The following PUS1 variants were observed in gnomAD, a reference collection of about 807,000 sequenced individuals.
PUS1 encodes pseudouridine synthase 1, also known as pseudouridylate synthase 1 homolog.
Under a neutral mutation model 38.5 loss-of-function variants are expected in PUS1, and 25 were observed. The ratio of observed to expected loss-of-function variants is 0.65; its 90% confidence interval spans 0.47 to 0.91. PUS1 has a LOEUF of 0.91. Ranked by LOEUF, PUS1 falls within the 40% of genes least tolerant of loss-of-function variation. The pLI, the probability that PUS1 is intolerant of heterozygous loss-of-function variation, is 0.00. For synonymous variants in PUS1, 282 were observed against 260.4 expected (o/e 1.08, Z -0.80); for missense variants, 597 against 612.3 (o/e 0.97, Z 0.26).
intron 5 of PUS1, among the ~76,000 whole-genome samples, chr12:131,942,597 G>A (rs1157362534): frequency 2.6e-5 from 4 of 152,180 alleles, no homozygotes; most frequent in East Asian, 1.9e-4. Context: ...TAGTAGAGAT[G>A]GGGTTTCACC....
Position 131,942,985 on chromosome 12 carries a change from C to T in PUS1, c.1237-554C>T, listed in dbSNP as rs547916792. Among the ~76,000 whole-genome samples, 401 of 152,340 alleles carry T rather than the reference C, an allele frequency of 2.6e-3. 2 individuals carry two copies. The highest frequency in any genetic ancestry group is 8.9e-3 in the African/African-American group (372 of 41,582). ...CCAGCGGTGGCCAGGAGCCTCGTTT[C>T]ATCTGAAGGGGGTACTCGTGGCTCA... On this transcript the variant is annotated intron_variant, in intron 5 of 5. Coordinates refer to ENST00000376649, the MANE Select transcript of PUS1 (RefSeq NM_025215.6).
chr12:131,930,452 GTGTACTGACGCTC>G (rs1032963157), intron 2 of PUS1, among the ~76,000 whole-genome samples: 1 of 152,208 alleles, frequency 6.6e-6, no homozygotes, highest in African/African-American at 2.4e-5. Context: ...GATGAGCTAG[GTGTACTGACGCTC>G]GGTGCTGAGA....
At chr12:131,942,935 C>T (rs1490894057) in intron 5 of PUS1, among the ~76,000 whole-genome samples, 1 of 152,218 alleles carries the variant, frequency 6.6e-6, no homozygotes, top group African/African-American at 2.4e-5. Flanking sequence ...GGCCCCCAGC[C>T]CAGGGACGGC....
chr12:131,939,144 T>C (rs1256070976), intron 3 of PUS1, 29 bp from the exon 4 acceptor site: 6 of 1,490,260 alleles, frequency 4.0e-6, no homozygotes, highest in South Asian at 2.4e-5. Flanking sequence ...GGGACCCACC[T>C]TCCGTCACCC....
chr12:131,932,614 T>C, intron 3 of PUS1: 1 of 511,762 alleles, frequency 2.0e-6, no homozygotes, highest in Non-Finnish European at 3.6e-6. Context: ...CAATGTCTGC[T>C]TTCGACCCTC....
intron 3 of PUS1, among the ~76,000 whole-genome samples, chr12:131,938,067 AT>A (rs1446357312): frequency 6.6e-6 from 1 of 151,772 alleles, no homozygotes; most frequent in Non-Finnish European, 1.5e-5. Flanking sequence ...CATGCCTTTT[AT>A]TTTTGTTAAC....
intron 5 of PUS1, among the ~76,000 whole-genome samples, chr12:131,942,555 C>T (rs7980377): frequency 0.99 from 149,646 of 151,594 alleles, 73,866 homozygotes; most frequent in Non-Finnish European, 1. Context: ...TACAGGCGCC[C>T]ACCACCACGC....
In PUS1 at chr12:131,941,594, A is replaced by C. The variant is rs763493644; in HGVS notation, c.847A>C (p.Arg283=). Residue 283 remains arginine (R), a synonymous_variant, in exon 5 of 6, where the codon AGG becomes CGG. Coordinates refer to ENST00000376649, the MANE Select transcript of PUS1 (RefSeq NM_025215.6). The surrounding 1 kb of genome is among the most constrained non-coding windows in gnomAD (Gnocchi z 4.4). ...GGAGGGCCTGGAGTTTGCGGTGATC[A>C]GGGTGAAGGGCCAGAGCTTCATGAT... The part of the protein sequence containing the change: ...VREGLEFAVI[R]VKGQSFMMHQ... 7.4e-6 allele frequency: 12 copies of C among 1,614,074 alleles called. No homozygotes were observed. In the African/African-American group the frequency reaches 1.1e-4, roughly 14 times the overall value.
intron 3 of PUS1, among the ~76,000 whole-genome samples, chr12:131,936,296 GC>G (rs1890829204): frequency 6.6e-6 from 1 of 151,872 alleles, no homozygotes; most frequent in South Asian, 2.1e-4. Context: ...GGGCGCGGGG[GC>G]TTAGCCTGGA....
In PUS1 at chr12:131,929,813, C is replaced by T; in HGVS notation, c.74+17C>T. 6.4e-7 allele frequency: 1 copy of T among 1,567,164 alleles called. No homozygotes were observed. Among genetic ancestry groups the T allele is most frequent in the African/African-American group, 1.4e-5 (1 of 72,968 alleles). ...TCCGTCCTGGTAATGACCGCGACGC[C>T]GGGCGACCCCGCTATGCCCGCCCAG... On this transcript the variant is annotated intron_variant, in intron 1 of 5. Coordinates refer to ENST00000376649, the MANE Select transcript of PUS1 (RefSeq NM_025215.6).
intron 3 of PUS1, among the ~76,000 whole-genome samples, chr12:131,935,840 T>C (rs1890802412): frequency 6.6e-6 from 1 of 152,116 alleles, no homozygotes; most frequent in Non-Finnish European, 1.5e-5. Context: ...GCCTATTGTT[T>C]ATTTTTGTGT....
chr12:131,932,474 C>T (rs1291225687), intron 3 of PUS1, 162 bp downstream of exon 3: 16 of 780,180 alleles, frequency 2.1e-5, no homozygotes, highest in South Asian at 4.6e-5. Context: ...GGAGCCTGGT[C>T]GGCTCAGGTA....
chr12:131,930,673 A>G (rs1890562396), intron 2 of PUS1, among the ~76,000 whole-genome samples: 3 of 152,014 alleles, frequency 2.0e-5, no homozygotes, highest in Admixed American at 2.0e-4. Context: ...CCAGGCTGGA[A>G]TGCAGTGGTG....
chr12:131,938,862 C>T (rs1890944696), intron 3 of PUS1, among the ~76,000 whole-genome samples: 3 of 152,124 alleles, frequency 2.0e-5, no homozygotes, highest in Admixed American at 2.0e-4. Flanking sequence ...GCTGGGACTA[C>T]AGGCGCCTGT....
intron 3 of PUS1, among the ~76,000 whole-genome samples, chr12:131,936,714 T>C (rs1890851790): frequency 1.3e-5 from 2 of 151,600 alleles, no homozygotes; most frequent in Admixed American, 1.3e-4. Flanking sequence ...CATGACAAAA[T>C]CCCATCTCTA....
intron 3 of PUS1, among the ~76,000 whole-genome samples, chr12:131,936,948 C>T (rs553177738): frequency 3.3e-5 from 5 of 152,146 alleles, no homozygotes; most frequent in African/African-American, 9.6e-5. Context: ...AGACATAGGA[C>T]ACCCCAGAGG....
At position 131,941,881 on chromosome 12, in the gene PUS1, C is replaced by G. The variant is rs570364615; in HGVS notation, c.1134C>G (p.Ile378Met). 6.2e-7 allele frequency: 1 copy of G among 1,613,682 alleles called. No homozygotes were observed. The highest frequency in any genetic ancestry group is 8.5e-7 in the Non-Finnish European group (1 of 1,180,036). ...AGGAGCACATCTACCCCACCATCAT[C>G]GGCACCGAGCGGGACGAACGCTCCA... Reference protein sequence around the residue: ...FKEEHIYPTIIGTERDERSMA... With the variant: ...FKEEHIYPTIMGTERDERSMA... Residue 378 changes from isoleucine to methionine, a missense_variant, in exon 5 of 6, where the codon ATC (isoleucine) becomes ATG (methionine). Ile to Met is a conservative substitution (Grantham distance 10). Transcript: ENST00000376649. This position sits in a 1 kb window ranked among gnomAD's most constrained non-coding sequence, Gnocchi z 4.4.
intron 3 of PUS1, among the ~76,000 whole-genome samples, chr12:131,933,284 G>C (rs1406944684): frequency 2.6e-5 from 4 of 151,212 alleles, no homozygotes; most frequent in African/African-American, 9.7e-5. Flanking sequence ...TCCCACCTTG[G>C]CGTCCCAAAG....
At position 131,944,150 on chromosome 12, in the gene PUS1, T is replaced by C. The variant is rs1409288675; in HGVS notation, c.*564T>C. 4 of 159,214 alleles carry C rather than the reference T, an allele frequency of 2.5e-5. No homozygotes were observed. Among genetic ancestry groups the C allele is most frequent in the African/African-American group, 9.7e-5 (4 of 41,366 alleles). The allele number at this position is 159,214 out of a possible 1,614,324, so 9.9% of individuals were successfully genotyped here. A position where few individuals can be genotyped will look rare whatever the true frequency, so the allele number is the denominator to read the frequency against. On this transcript the variant is annotated 3_prime_UTR_variant, in exon 6 of 6. Coordinates refer to ENST00000376649, the MANE Select transcript of PUS1 (RefSeq NM_025215.6). ...TGCTCAGGAGGCTGAGGTGGGAGGA[T>C]TGCCTGAGTCTGGAGAAGTCGAGGC...
Sources: gnomAD v4.1 joint callset for allele counts (sites outside exome capture counted in the v4.1 genomes callset) on GRCh38, gnomAD v4.1.1 for gene constraint, Gnocchi (gnomAD v3.1) non-coding constraint, MANE v1.5 for transcripts, NCBI Gene and HGNC (gene_info 2026-07-23, HGNC 2026-07-21) for gene names.